Variants in DMD observed in about 807,000 individuals in gnomAD.
The protein encoded by DMD is dystrophin.
Under a neutral mutation model 330.1 loss-of-function variants are expected in DMD, and 63 were observed. The observed-to-expected ratio is 0.19, with a 90% CI of 0.16 to 0.24. The LOEUF (loss-of-function observed/expected upper bound fraction) is 0.24. Ranked by LOEUF, DMD falls within the 10% of genes least tolerant of loss-of-function variation. The probability of loss-of-function intolerance (pLI) is 1.00; values close to 1 mark genes in which losing one functional copy is unlikely to be tolerated. For synonymous variants in DMD, 1,223 were observed against 959.8 expected (o/e 1.27, Z -5.07); for missense variants, 3,344 against 2,684.1 (o/e 1.25, Z -5.43).
chrX:32,365,234 T>C (rs1420250090), intron 34 of DMD, 35 bp from the exon 35 acceptor site: 29 of 1,185,959 alleles, frequency 2.4e-5, no homozygotes, highest in South Asian at 5.3e-5. Context: ...TCAAGTAATG[T>C]CTTGTAGTCT....
rs760732070 is a variant in DMD, at chrX:32,969,353, A to C, written c.93+50786T>G. Among the ~76,000 whole-genome samples the C allele has an allele frequency of 4.0e-4, 37 of 93,543 alleles. 4 individuals are homozygous for C. Among genetic ancestry groups the C allele is most frequent in the Non-Finnish European group, 6.9e-4 (34 of 49,221 alleles). The allele number at this position is 93,543 out of a possible 115,157, so 81.2% of individuals were successfully genotyped here. Reference sequence around the variant, plus strand: ...GTGCTACCACATACATAGATAAAATATGTATGTATTTTATACATACATATA... The same window carrying C: ...GTGCTACCACATACATAGATAAAATCTGTATGTATTTTATACATACATATA... On this transcript the variant is annotated intron_variant, in intron 2 of 78. Coordinates refer to ENST00000357033, the MANE Select transcript of DMD (RefSeq NM_004006.3).
intron 2 of DMD, among the ~76,000 whole-genome samples, chrX:32,968,751 C>G (rs1414593780): frequency 9.2e-6 from 1 of 108,979 alleles, no homozygotes; most frequent in Non-Finnish European, 1.9e-5. Flanking sequence ...ACCTACAGGC[C>G]AGGCGCGGTG....
chrX:31,922,164 A>C (rs901223619), intron 47 of DMD, among the ~76,000 whole-genome samples: 10 of 110,945 alleles, frequency 9.0e-5, no homozygotes, highest in African/African-American at 3.3e-4. Flanking sequence ...AGGAATGCTG[A>C]TGTCATGAAG....
intron 55 of DMD, among the ~76,000 whole-genome samples, chrX:31,610,817 T>C (rs1217664547): frequency 1.8e-5 from 2 of 111,512 alleles, no homozygotes; most frequent in African/African-American, 6.5e-5. Flanking sequence ...ATTGTACTAG[T>C]GATCATGGCT....
chrX:32,694,708 G>C (rs925221308), intron 9 of DMD, among the ~76,000 whole-genome samples: 1 of 111,849 alleles, frequency 8.9e-6, no homozygotes, highest in Non-Finnish European at 1.9e-5. Flanking sequence ...CCATGCTGTA[G>C]TGCAATGGCA....
intron 2 of DMD, among the ~76,000 whole-genome samples, chrX:32,903,212 A>T (rs2086451661): frequency 3.1e-5 from 2 of 65,467 alleles, no homozygotes; most frequent in African/African-American, 9.1e-5. Context: ...TAAAAGGATT[A>T]AGTACAAAGA....
At chrX:32,546,401 A>C (rs2048969117) in intron 16 of DMD, among the ~76,000 whole-genome samples, 1 of 109,302 alleles carries the variant, frequency 9.1e-6, no homozygotes, top group African/African-American at 3.3e-5. Flanking sequence ...TCATTTTAGC[A>C]ATTTTCCTGA....
At chrX:33,094,710 A>C (rs1158857801) in intron 1 of DMD, among the ~76,000 whole-genome samples, 1 of 107,827 alleles carries the variant, frequency 9.3e-6, no homozygotes, top group Non-Finnish European at 1.9e-5. Context: ...CGGGAGGCTG[A>C]GGAGGGAGAA....
intron 4 of DMD, among the ~76,000 whole-genome samples, chrX:32,840,002 C>T (rs1442698961): frequency 8.9e-6 from 1 of 111,996 alleles, no homozygotes; most frequent in Non-Finnish European, 1.9e-5. Flanking sequence ...AGCCACCGCG[C>T]CCAGCCTAGA....
At chrX:32,039,767 C>CTT (rs2095984245) in intron 44 of DMD, among the ~76,000 whole-genome samples, 1 of 111,681 alleles carries the variant, frequency 9.0e-6, no homozygotes, top group African/African-American at 3.3e-5. Flanking sequence ...CTAGTTGAAA[C>CTT]TTTGTAATCT....
At chrX:32,392,313 C>A (rs2147653762) in intron 30 of DMD, among the ~76,000 whole-genome samples, 1 of 111,746 alleles carries the variant, frequency 8.9e-6, no homozygotes, top group South Asian at 3.8e-4. Context: ...GGCTGGAACG[C>A]AATAGCACGA....
At chrX:32,480,819 C>T (rs774552925) in intron 21 of DMD, among the ~76,000 whole-genome samples, 1 of 110,670 alleles carries the variant, frequency 9.0e-6, no homozygotes, top group South Asian at 3.8e-4. Flanking sequence ...GCTATGCTTG[C>T]TCTTGATGGT....
chrX:31,636,085 T>C (rs1050304383), intron 54 of DMD, among the ~76,000 whole-genome samples: 10 of 111,781 alleles, frequency 8.9e-5, no homozygotes, highest in Non-Finnish European at 1.9e-4. Flanking sequence ...AGCAAACTAA[T>C]GCAGGAACAG....
intron 43 of DMD, among the ~76,000 whole-genome samples, chrX:32,252,789 TATAA>T (rs1330509128): frequency 1.5e-5 from 1 of 64,803 alleles, no homozygotes; most frequent in Non-Finnish European, 2.4e-5. Context: ...TATAAATATA[TATAA>T]ATATATATAT....
At chrX:32,762,932 A>G (rs2072507426) in intron 7 of DMD, among the ~76,000 whole-genome samples, 1 of 112,098 alleles carries the variant, frequency 8.9e-6, no homozygotes, top group Non-Finnish European at 1.9e-5. Context: ...GCTATGGAAT[A>G]TGATGGAGTG....
chrX:32,310,216 A>C lies in DMD; in HGVS notation c.5983T>G (p.Tyr1995Asp), dbSNP rs751445942. Residue 1995 changes from tyrosine to aspartate, a missense_variant, in exon 42 of 79, where the codon TAT becomes GAT. Coordinates refer to ENST00000357033, the MANE Select transcript of DMD (RefSeq NM_004006.3). ...MTEDMPLEISYVPSTYLTEIT... is the reference protein window; with the variant it reads ...MTEDMPLEISDVPSTYLTEIT... ...TCAGTCAAATAAGTAGAAGGCACAT[A>C]AGAAATTTCCAAAGGCATGTCTTCA... 1 of 1,209,320 alleles carries C rather than the reference A, an allele frequency of 8.3e-7. No homozygotes were observed. Among genetic ancestry groups the C allele is most frequent in the Admixed American group, 2.2e-5 (1 of 45,823 alleles).
At chrX:32,650,902 T>C (rs2060106593) in intron 9 of DMD, among the ~76,000 whole-genome samples, 1 of 111,627 alleles carries the variant, frequency 9.0e-6, no homozygotes. Context: ...TAACACGCAT[T>C]ATATCATTTT....
chrX:31,787,897 C>T (rs958459900), intron 50 of DMD, among the ~76,000 whole-genome samples: 1 of 111,967 alleles, frequency 8.9e-6, no homozygotes, highest in Non-Finnish European at 1.9e-5. Flanking sequence ...GGGGAGAAAA[C>T]AGGTAACACT....
At chrX:33,099,453 G>C (rs1442701097) in intron 1 of DMD, among the ~76,000 whole-genome samples, 1 of 110,981 alleles carries the variant, frequency 9.0e-6, no homozygotes, top group Non-Finnish European at 1.9e-5. Flanking sequence ...TTTGAATATT[G>C]TTTCTTATTG....
Sources: gnomAD v4.1 joint callset for allele counts (sites outside exome capture counted in the v4.1 genomes callset) on GRCh38, gnomAD v4.1.1 for gene constraint, MANE v1.5 for transcripts, NCBI Gene and HGNC (gene_info 2026-07-23, HGNC 2026-07-21) for gene names.